The following TLL2 variants were observed in gnomAD, a reference collection of about 807,000 sequenced individuals.
The protein encoded by TLL2 is tolloid like 2.
TLL2 carries 106 observed loss-of-function variants against 123.0 expected under a neutral mutation model. The observed-to-expected ratio is 0.86, with a 90% CI of 0.74 to 1.01. The LOEUF is 1.01. Among genes scored for constraint, TLL2 ranks in the 50% least tolerant of loss-of-function variants. The pLI, the probability that TLL2 is intolerant of heterozygous loss-of-function variation, is 0.00. For missense variants in TLL2, 1,332 were observed against 1,336.7 expected (o/e 1.00, Z 0.06); for synonymous variants, 494 against 516.8 (o/e 0.96, Z 0.60).
intron 9 of TLL2, among the ~76,000 whole-genome samples, chr10:96,406,413 T>C (rs1036893715): frequency 6.6e-6 from 1 of 152,090 alleles, no homozygotes; most frequent in Non-Finnish European, 1.5e-5. Flanking sequence ...TCTCCAGCCC[T>C]GACCCAGCCC....
intron 13 of TLL2, among the ~76,000 whole-genome samples, chr10:96,387,678 G>A (rs370270615): frequency 3.5e-4 from 53 of 152,248 alleles, no homozygotes; most frequent in African/African-American, 1.2e-3. Context: ...GCAGGAAGAG[G>A]CCATAATGAG....
chr10:96,379,932 C>A (rs569873205), intron 16 of TLL2, among the ~76,000 whole-genome samples: 2 of 152,216 alleles, frequency 1.3e-5, no homozygotes, highest in Admixed American at 6.5e-5. Context: ...TCAAGTGCCG[C>A]GACTCCACCC....
intron 2 of TLL2, among the ~76,000 whole-genome samples, chr10:96,448,424 A>G (rs1846921377): frequency 2.0e-5 from 3 of 147,964 alleles, no homozygotes; most frequent in African/African-American, 5.0e-5. Context: ...CAGCTGTGCA[A>G]CTGTGGTGGG....
chr10:96,405,905 T>G (rs969599846), intron 9 of TLL2, among the ~76,000 whole-genome samples: 1 of 152,070 alleles, frequency 6.6e-6, no homozygotes, highest in Non-Finnish European at 1.5e-5. Context: ...TGCTGGCCAA[T>G]TGAGATAGAA....
At chr10:96,510,138 T>G (rs892681554) in intron 1 of TLL2, among the ~76,000 whole-genome samples, 6 of 152,334 alleles carry the variant, frequency 3.9e-5, no homozygotes, top group South Asian at 2.1e-4. Flanking sequence ...CTAGGCCTTC[T>G]GACTTGAAAT....
At chr10:96,428,608 T>G in intron 5 of TLL2, 23 bp downstream of exon 5, 1 of 1,489,360 alleles carries the variant, frequency 6.7e-7, no homozygotes, top group Non-Finnish European at 9.4e-7. Flanking sequence ...TCTGCAGAGG[T>G]GGCCTCGCTT....
At chr10:96,466,252 G>A (rs761015054) in intron 2 of TLL2, among the ~76,000 whole-genome samples, 4 of 152,206 alleles carry the variant, frequency 2.6e-5, no homozygotes, top group Non-Finnish European at 4.4e-5. Context: ...CTCAGTGTTT[G>A]TGGGCAAACA....
chr10:96,404,963 A>G (rs1322940010), intron 10 of TLL2, among the ~76,000 whole-genome samples: 2 of 152,212 alleles, frequency 1.3e-5, no homozygotes, highest in African/African-American at 4.8e-5. Context: ...TTCCTGCTTC[A>G]GTGAACATCC....
chr10:96,422,261 C>T (rs1353305295), intron 6 of TLL2, among the ~76,000 whole-genome samples: 2 of 147,454 alleles, frequency 1.4e-5, no homozygotes, highest in Admixed American at 6.8e-5. Context: ...GTGTTCTGGT[C>T]GACTGTGTTC....
intron 2 of TLL2, among the ~76,000 whole-genome samples, chr10:96,467,508 C>T (rs1199021032): frequency 6.6e-6 from 1 of 152,200 alleles, no homozygotes; most frequent in Admixed American, 6.5e-5. Context: ...GCTGGGATTA[C>T]AGCTGTGAGC....
chr10:96,459,343 A>G (rs1438642641), intron 2 of TLL2, among the ~76,000 whole-genome samples: 1 of 152,064 alleles, frequency 6.6e-6, no homozygotes, highest in Admixed American at 6.6e-5. Context: ...ATTAAAACAT[A>G]TAAGGCCGGA....
At chr10:96,392,594 C>G (rs1846299651) in intron 13 of TLL2, among the ~76,000 whole-genome samples, 1 of 152,082 alleles carries the variant, frequency 6.6e-6, no homozygotes, top group African/African-American at 2.4e-5. Flanking sequence ...TGGAATGGAG[C>G]CCCAGCACCC....
Position 96,368,007 on chromosome 10 carries a change from A to G in TLL2, c.*81T>C, listed in dbSNP as rs111446080. 54 of 1,544,930 alleles carry G rather than the reference A, an allele frequency of 3.5e-5. No individual in the cohort carries two copies. In the African/African-American group the frequency reaches 6.1e-4, roughly 18 times the overall value. On this transcript the variant is annotated 3_prime_UTR_variant, in exon 21 of 21. Transcript: ENST00000357947. ...AAAATACTGTACACTGTTTTAGGGC[A>G]GATTTTCAAGGTGCTATTGTTGTTA...
rs985640108 is a variant in TLL2, at chr10:96,486,707, T to A, written c.176-6248A>T. 3.9e-5 allele frequency among the ~76,000 whole-genome samples: 6 copies of A among 152,320 alleles called. No homozygotes were observed. The East Asian group carries it at 5.8e-4, about 15-fold the overall frequency. On this transcript the variant is annotated intron_variant, in intron 1 of 20. Transcript: ENST00000357947. ...CATGCTTCAGAACCTGGAAGTTCAC[T>A]CCCTTGAACCATCTGTAGAGAGCAC...
At chr10:96,488,296 C>G (rs1293741972) in intron 1 of TLL2, among the ~76,000 whole-genome samples, 1 of 152,192 alleles carries the variant, frequency 6.6e-6, no homozygotes, top group Admixed American at 6.5e-5. Context: ...TGACTTAGCG[C>G]TTGCGTGCCC....
At chr10:96,372,570 CCCACCAAAGGA>C (rs1846093745) in intron 19 of TLL2, among the ~76,000 whole-genome samples, 1 of 152,192 alleles carries the variant, frequency 6.6e-6, no homozygotes, top group Admixed American at 6.5e-5. Context: ...ACGTACATTT[CCCACCAAAGGA>C]CCTAATAGTG....
At chr10:96,373,529 C>T in intron 19 of TLL2, 67 bp downstream of exon 19, 1 of 1,491,584 alleles carries the variant, frequency 6.7e-7, no homozygotes, top group Non-Finnish European at 9.3e-7. Flanking sequence ...CTTGTCGTGC[C>T]TTCACCATTT....
At chr10:96,502,743 C>T (rs548632848) in intron 1 of TLL2, among the ~76,000 whole-genome samples, 7 of 152,250 alleles carry the variant, frequency 4.6e-5, no homozygotes, top group Admixed American at 2.0e-4. Context: ...GAGGCTGTTG[C>T]TGTGGGAAGC....
chr10:96,386,987 G>T lies in TLL2; in HGVS notation c.1818C>A (p.Gly606=). The T allele has an allele frequency of 6.2e-7, 1 of 1,614,088 alleles. No homozygotes were observed. Among genetic ancestry groups the T allele is most frequent in the African/African-American group, 1.3e-5 (1 of 75,032 alleles). Residue 606 remains glycine, a synonymous_variant, in exon 14 of 21, where the codon GGC becomes GGA. Coordinates refer to ENST00000357947, the MANE Select transcript of TLL2 (RefSeq NM_012465.4). ...LGSYKCACDP[G]YELAADKKMC... ...TCTTCTTATCGGCGGCCAGCTCGTA[G>T]CCAGGGTCACAGGCACACTTGTAGC...
Sources: gnomAD v4.1 joint callset for allele counts (sites outside exome capture counted in the v4.1 genomes callset) on GRCh38, gnomAD v4.1.1 for gene constraint, MANE v1.5 for transcripts, NCBI Gene and HGNC (gene_info 2026-07-23, HGNC 2026-07-21) for gene names.